LTF: variants seen among roughly 807,000 people sequenced by gnomAD.
LTF encodes epididymis luminal protein 110.
A neutral mutation model predicts 87.2 loss-of-function variants in LTF; 91 were observed. The observed-to-expected ratio is 1.04, with a 90% CI of 0.88 to 1.24. The LOEUF is 1.24. Among genes scored for constraint, LTF ranks in the 50% most tolerant of loss-of-function variants. The pLI is 0.00. For missense variants in LTF, 901 were observed against 904.3 expected (o/e 1.00, Z 0.05); for synonymous variants, 378 against 356.1 (o/e 1.06, Z -0.69).
upstream of LTF, among the ~76,000 whole-genome samples, chr3:46,468,948 G>C (rs973615655): frequency 6.6e-6 from 1 of 152,216 alleles, no homozygotes; most frequent in African/African-American, 2.4e-5. Flanking sequence ...AGGGCCAGTT[G>C]ACCAGCACAC....
chr3:46,443,154 T>C (rs887177719), intron 13 of LTF, among the ~76,000 whole-genome samples: 2 of 152,182 alleles, frequency 1.3e-5, no homozygotes, highest in Admixed American at 6.5e-5. Flanking sequence ...CTCTACCCAT[T>C]TGATTTTCAG....
Position 46,480,186 on chromosome 3 carries a change from G to A in LTF, c.-320+4800C>T, listed in dbSNP as rs117021377. On this transcript the variant is annotated intron_variant, in intron 1 of 19. Transcript: ENST00000443496. ...ATTGTTGCTATAAAAGCCAAAGTTA[G>A]AGGCCTTGAACTTTATTTAAAACTA... is the stretch of plus-strand genomic sequence containing the variant. 9.2e-5 allele frequency among the ~76,000 whole-genome samples: 14 copies of A among 152,290 alleles called. No individual in the cohort carries two copies. In the East Asian group the frequency reaches 2.7e-3, roughly 29 times the overall value.
chr3:46,438,747 A>C (rs932461524), intron 15 of LTF, among the ~76,000 whole-genome samples: 4 of 152,256 alleles, frequency 2.6e-5, no homozygotes, highest in Admixed American at 6.5e-5. Flanking sequence ...TTTCTTCAAA[A>C]GCACACAGAG....
upstream of LTF, among the ~76,000 whole-genome samples, chr3:46,467,667 C>T (rs555948000): frequency 1.3e-4 from 17 of 134,040 alleles, no homozygotes; most frequent in East Asian, 1.5e-3. Context: ...TTTTTTTTAC[C>T]GACAGGGTCT....
intron 10 of LTF, 83 bp downstream of exon 10, chr3:46,447,225 C>T (rs1295073499): frequency 2.1e-6 from 2 of 937,292 alleles, no homozygotes; most frequent in East Asian, 4.8e-5. Context: ...TAATGTTTCA[C>T]CTGCATTCAC....
At chr3:46,483,615 G>C (rs1270436233) in intron 1 of LTF, among the ~76,000 whole-genome samples, 2 of 152,100 alleles carry the variant, frequency 1.3e-5, no homozygotes, top group Non-Finnish European at 2.9e-5. Flanking sequence ...TTAACCTTGG[G>C]GAAGAGGGGC....
chr3:46,450,004 G>C lies in LTF; in HGVS notation c.907C>G (p.Pro303Ala). Residue 303 changes from proline (P) to alanine (A), a missense_variant, in exon 8 of 17, where the codon CCG becomes GCG. Coordinates refer to ENST00000231751, the MANE Select transcript of LTF (RefSeq NM_002343.6). ...GGGGAGCCAAAGAGCTGGAATTTCG[G>C]TGACTTGTCCTTTCCAAACTTTTCC... The part of the protein sequence containing the change: ...AQEKFGKDKS[P>A]KFQLFGSPSG... 6.2e-7 allele frequency: 1 copy of C among 1,608,836 alleles called. No homozygotes were observed. The highest frequency in any genetic ancestry group is 8.5e-7 in the Non-Finnish European group (1 of 1,177,350).
At chr3:46,464,992 G>A (rs1435736401), upstream of LTF, 44 of 914,914 alleles carry the variant, frequency 4.8e-5, no homozygotes, top group Admixed American at 1.2e-4. Flanking sequence ...CCCACTCCCC[G>A]CGGCCAGGTC....
At position 46,456,042 on chromosome 3, in the gene LTF, C is replaced by T. The variant is rs957434830; in HGVS notation, c.317-64G>A. 5 of 1,414,868 alleles carry T rather than the reference C, an allele frequency of 3.5e-6. No individual in the cohort carries two copies. The African/African-American group carries it at 7.2e-5, about 20-fold the overall frequency. 87.6% of individuals were successfully genotyped at this position (1,414,868 alleles called of 1,614,324 possible). ...GACAAGAGGGACAAAAACAACCCAT[C>T]CTGAAAAGTCTCCGGTGGGAAGGGG... On this transcript the variant is annotated intron_variant, in intron 3 of 16. Transcript: ENST00000231751.
chr3:46,474,239 G>A (rs1703329474), intron 1 of LTF, among the ~76,000 whole-genome samples: 1 of 152,016 alleles, frequency 6.6e-6, no homozygotes, highest in Admixed American at 6.6e-5. Flanking sequence ...AACAATGTAG[G>A]TAGCATGAAA....
upstream of LTF, among the ~76,000 whole-genome samples, chr3:46,468,779 CAG>C (rs780418953): frequency 2.6e-5 from 4 of 152,228 alleles, no homozygotes; most frequent in Non-Finnish European, 5.9e-5. Flanking sequence ...TTTTCCCTGC[CAG>C]TGGTGAGAGA....
chr3:46,484,484 AG>A (rs1703490888), intron 1 of LTF, among the ~76,000 whole-genome samples: 1 of 152,098 alleles, frequency 6.6e-6, no homozygotes, highest in South Asian at 2.1e-4. Flanking sequence ...GTCAGGCCTT[AG>A]GGGCTGTGCT....
chr3:46,482,918 T>G (rs1037448490), intron 1 of LTF, among the ~76,000 whole-genome samples: 4 of 152,056 alleles, frequency 2.6e-5, no homozygotes, highest in Admixed American at 1.3e-4. Context: ...AAGAAAAACA[T>G]TTTCTCTATC....
chr3:46,451,945 A>G (rs894217415), intron 6 of LTF, among the ~76,000 whole-genome samples: 3 of 152,218 alleles, frequency 2.0e-5, no homozygotes, highest in Admixed American at 6.5e-5. Context: ...AAACCTTACT[A>G]AAAGAAGAAA....
chr3:46,475,440 G>A (rs904707518), intron 1 of LTF, among the ~76,000 whole-genome samples: 1 of 151,444 alleles, frequency 6.6e-6, no homozygotes, highest in African/African-American at 2.4e-5. Context: ...GAGAGAAAAA[G>A]GAGAGGGTCA....
intron 2 of LTF, among the ~76,000 whole-genome samples, chr3:46,457,503 G>A (rs866396455): frequency 9.2e-5 from 14 of 152,314 alleles, no homozygotes; most frequent in Middle Eastern, 3.4e-3. Context: ...CCTGTGACCC[G>A]GGCTGCCGTT....
intron 1 of LTF, among the ~76,000 whole-genome samples, chr3:46,482,639 AGAAAGAAAGAAAGAAAGAAAGAAG>A (rs1467423310): frequency 3.7e-4 from 36 of 96,232 alleles, no homozygotes; most frequent in African/African-American, 1.5e-3. Flanking sequence ...AAAGAAAGAA[AGAAAGAAAGAAAGAAAGAAAGAAG>A]GAAGGAAGGA....
intron 10 of LTF, among the ~76,000 whole-genome samples, chr3:46,446,959 A>G (rs1284216863): frequency 1.3e-5 from 2 of 152,230 alleles, no homozygotes; most frequent in Non-Finnish European, 2.9e-5. Flanking sequence ...AGGAGGACAT[A>G]AGGGGCTTCT....
chr3:46,445,238 C>T lies in LTF; in HGVS notation c.1513+43G>A, dbSNP rs571816735. 2.2e-5 allele frequency: 34 copies of T among 1,555,352 alleles called. No homozygotes were observed. In the East Asian group the frequency reaches 7.7e-4, roughly 35 times the overall value. ...AAGGTTCCACAGCACAATATGCCTA[C>T]CCTCCAGGGTGGCCCACCCACCGCA... On this transcript the variant is annotated intron_variant, in intron 12 of 16. Coordinates refer to ENST00000231751, the MANE Select transcript of LTF (RefSeq NM_002343.6).
Sources: allele counts gnomAD v4.1 joint callset (sites outside exome capture counted in the v4.1 genomes callset), GRCh38; gene constraint gnomAD v4.1.1; transcripts MANE v1.5; gene names NCBI Gene and HGNC (gene_info 2026-07-23, HGNC 2026-07-21).